Variants in FIG4 observed in about 807,000 individuals in gnomAD.
FIG4 encodes the protein FIG4 phosphoinositide 5-phosphatase, also known as polyphosphoinositide phosphatase.
FIG4 carries 112 observed loss-of-function variants against 118.6 expected under a neutral mutation model. The ratio of observed to expected loss-of-function variants is 0.94; its 90% confidence interval spans 0.81 to 1.11. FIG4 has a LOEUF of 1.11. Among genes scored for constraint, FIG4 ranks in the 50% least tolerant of loss-of-function variants. FIG4 has a pLI of 0.00. For missense variants in FIG4, 969 were observed against 1,111.7 expected, an observed-to-expected ratio of 0.87 and a Z score of 1.83; for synonymous variants, 369 against 381.2, an observed-to-expected ratio of 0.97 and a Z score of 0.37.
intron 3 of FIG4, among the ~76,000 whole-genome samples, chr6:109,721,451 T>G (rs1775606453): frequency 1.3e-5 from 2 of 152,174 alleles, no homozygotes; most frequent in Non-Finnish European, 2.9e-5. Context: ...GAGGGTCCTC[T>G]CCAGCCACCA....
chr6:109,810,996 G>A (rs543447594), intron 22 of FIG4, among the ~76,000 whole-genome samples: 83 of 152,260 alleles, frequency 5.5e-4, no homozygotes, highest in African/African-American at 2.0e-3. Context: ...GTAGTTCCCA[G>A]ATAAGATGCT....
At chr6:109,778,470 C>CA (rs111576515) in intron 16 of FIG4, among the ~76,000 whole-genome samples, 119,308 of 143,008 alleles carry the variant, frequency 0.83, 49,677 homozygotes, top group African/African-American at 0.93. Context: ...ACCTCTGTCT[C>CA]AAAAAAAAAA....
At chr6:109,741,940 A>G (rs945584938) in intron 8 of FIG4, among the ~76,000 whole-genome samples, 1 of 152,124 alleles carries the variant, frequency 6.6e-6, no homozygotes, top group Non-Finnish European at 1.5e-5. Context: ...TCGTAGGCCT[A>G]ACTACATTTT....
intron 22 of FIG4, among the ~76,000 whole-genome samples, chr6:109,803,504 A>C (rs766758635): frequency 6.6e-6 from 1 of 152,172 alleles, no homozygotes; most frequent in Non-Finnish European, 1.5e-5. Flanking sequence ...TTCAGACAAT[A>C]ATGGGAAACC....
chr6:109,694,007 A>G (rs1774633754), intron 1 of FIG4, among the ~76,000 whole-genome samples: 1 of 141,626 alleles, frequency 7.1e-6, no homozygotes, highest in African/African-American at 3.2e-5. Context: ...TTAAAAAAAC[A>G]AAAACTGTAG....
intron 1 of FIG4, among the ~76,000 whole-genome samples, chr6:109,692,513 A>C (rs1044617743): frequency 1.3e-4 from 20 of 152,136 alleles, no homozygotes; most frequent in African/African-American, 4.6e-4. Flanking sequence ...GTGGACCTTA[A>C]ATTAATTTTG....
intron 10 of FIG4, among the ~76,000 whole-genome samples, chr6:109,756,742 T>G (rs1434376218): frequency 6.6e-6 from 1 of 152,238 alleles, no homozygotes; most frequent in South Asian, 2.1e-4. Flanking sequence ...TCCTGAGGCT[T>G]CTGCATTCTT....
chr6:109,806,447 A>T (rs1778565759), intron 22 of FIG4, among the ~76,000 whole-genome samples: 1 of 151,862 alleles, frequency 6.6e-6, no homozygotes, highest in Non-Finnish European at 1.5e-5. Flanking sequence ...CATTTTCAGG[A>T]TGCCCCATAA....
Position 109,765,157 on chromosome 6 carries a change from G to A in FIG4, c.1579G>A (p.Val527Ile). Residue 527 changes from valine (V) to isoleucine (I), a missense_variant, in exon 14 of 23, where the codon GTT (valine) becomes ATT (isoleucine). Transcript: ENST00000230124. ...TAATCTACAGTTTGATACAGATGCA[G>A]TTAGGTAAGTCTTATTTTTTGCTAT... Reference protein sequence around the residue: ...KPNLQFDTDAVRLFEELYEDH... With the variant: ...KPNLQFDTDAIRLFEELYEDH... 1 of 1,613,990 alleles carries A rather than the reference G, an allele frequency of 6.2e-7. No individual in the cohort carries two copies. Among genetic ancestry groups the A allele is most frequent in the Non-Finnish European group, 8.5e-7 (1 of 1,179,852 alleles).
chr6:109,752,974 T>A (rs1383656777), intron 10 of FIG4, among the ~76,000 whole-genome samples: 1 of 152,180 alleles, frequency 6.6e-6, no homozygotes, highest in East Asian at 1.9e-4. Flanking sequence ...TGGTTTTAGG[T>A]CTAATGTTTA....
chr6:109,760,384 G>A lies in FIG4; in HGVS notation c.1271+1G>A. On this transcript the variant is annotated splice_donor_variant, in intron 11 of 22. Transcript: ENST00000230124. LOFTEE classifies it high-confidence loss of function. ...GGGACATGGCCAAGTATACCAAAAG[G>A]TGAATGATACTCATCTGTCTGGCTA... 6.2e-7 allele frequency: 1 copy of A among 1,612,042 alleles called. No homozygotes were observed. Among genetic ancestry groups the A allele is most frequent in the South Asian group, 1.1e-5 (1 of 91,028 alleles).
chr6:109,788,923 C>G (rs1778061183), intron 18 of FIG4, among the ~76,000 whole-genome samples: 1 of 152,076 alleles, frequency 6.6e-6, no homozygotes, highest in African/African-American at 2.4e-5. Flanking sequence ...GGTGAGGTGG[C>G]CTTTGCATAA....
At chr6:109,822,781 GTGTATGTATATATATA>G (rs1233489566) in intron 22 of FIG4, among the ~76,000 whole-genome samples, 1 of 55,534 alleles carries the variant, frequency 1.8e-5, no homozygotes, top group African/African-American at 7.1e-5. Context: ...ATGTGTGTGT[GTGTATGTATATATATA>G]TATATATATA....
chr6:109,707,128 C>G (rs887103124), intron 1 of FIG4, among the ~76,000 whole-genome samples: 1 of 152,026 alleles, frequency 6.6e-6, no homozygotes, highest in Non-Finnish European at 1.5e-5. Flanking sequence ...ATAGTGTCAT[C>G]TAGACTGTAC....
In FIG4 at chr6:109,766,796, G is replaced by C. The variant is rs774958021; in HGVS notation, c.1651G>C (p.Val551Leu). Reference sequence around the variant, plus strand: ...CCTTCAGTATGGTGGTTCTCAACTTGTTCATCGTGTGAAAACCTACAGAAA... The same window carrying C: ...CCTTCAGTATGGTGGTTCTCAACTTCTTCATCGTGTGAAAACCTACAGAAA... ...LSLQYGGSQL[V>L]HRVKTYRKIA... is the part of the protein sequence containing the mutation. The change falls in exon 15 of 23, where the codon GTT becomes CTT. Residue 551 changes from valine (V) to leucine (L), a missense_variant. Coordinates refer to ENST00000230124, the MANE Select transcript of FIG4 (RefSeq NM_014845.6). 1 of 1,613,732 alleles carries C rather than the reference G, an allele frequency of 6.2e-7. No individual in the cohort carries two copies. The highest frequency in any genetic ancestry group is 1.1e-5 in the South Asian group (1 of 91,078).
intron 22 of FIG4, among the ~76,000 whole-genome samples, chr6:109,812,820 G>A (rs1217741927): frequency 1.3e-5 from 2 of 152,272 alleles, no homozygotes; most frequent in East Asian, 3.9e-4. Context: ...ATGAACTTGA[G>A]GAATGATCGT....
Position 109,695,601 on chromosome 6 carries a change from G to GACACACACACACACACACACAC in FIG4, c.66+4102_66+4123dup, listed in dbSNP as rs202167631. ...GAATACACACACACACACACACACA[G>GACACACACACACACACACACAC]ACACACACACACACACACACACAAT... On this transcript the variant is annotated intron_variant, in intron 1 of 22. Coordinates refer to ENST00000230124, the MANE Select transcript of FIG4 (RefSeq NM_014845.6). Among the ~76,000 whole-genome samples the GACACACACACACACACACACAC allele has an allele frequency of 3.7e-4, 37 of 99,344 alleles. No homozygotes were observed. In the South Asian group the frequency reaches 4.6e-3, roughly 12 times the overall value. The allele number at this position is 99,344 out of a possible 152,430, so 65.2% of individuals were successfully genotyped here. A position where few individuals can be genotyped will look rare whatever the true frequency, so the allele number is the denominator to read the frequency against.
chr6:109,808,367 AAAAAAAAG>A lies in FIG4; in HGVS notation c.2546+11518_2546+11525del, dbSNP rs1163359256. Among the ~76,000 whole-genome samples, 104 of 151,686 alleles carry A rather than the reference AAAAAAAAG, an allele frequency of 6.9e-4. 2 individuals are homozygous for A. In the East Asian group the frequency reaches 0.015, roughly 22 times the overall value. ...ACTCACAGCAAAAAAAAAAAAAAAA[AAAAAAAAG>A]AGAGAAGAAAGAAAAAAATGCCAGT... On this transcript the variant is annotated intron_variant, in intron 22 of 22. Coordinates refer to ENST00000230124, the MANE Select transcript of FIG4 (RefSeq NM_014845.6).
Position 109,771,332 on chromosome 6 carries a change from C to T in FIG4, c.1750+4437C>T, listed in dbSNP as rs142795677. Among the ~76,000 whole-genome samples, 3 of 152,174 alleles carry T rather than the reference C, an allele frequency of 2.0e-5. No individual in the cohort carries two copies. The East Asian group carries it at 5.8e-4, about 29-fold the overall frequency. ...CATTTCCATAGTAAGTTCATTCTTC[C>T]CCTCTCCAAAATGACTATTTCATAA... On this transcript the variant is annotated intron_variant, in intron 15 of 22. Coordinates refer to ENST00000230124, the MANE Select transcript of FIG4 (RefSeq NM_014845.6).
Sources: gnomAD v4.1 joint callset for allele counts (sites outside exome capture counted in the v4.1 genomes callset) on GRCh38, gnomAD v4.1.1 for gene constraint, MANE v1.5 for transcripts, NCBI Gene and HGNC (gene_info 2026-07-23, HGNC 2026-07-21) for gene names.